The following KCNH2 variants were observed in gnomAD, a reference collection of about 807,000 sequenced individuals.
KCNH2 encodes potassium voltage-gated channel subfamily H member 2, also known as voltage-gated inwardly rectifying potassium channel KCNH2.
A neutral mutation model predicts 95.9 loss-of-function variants in KCNH2; 35 were observed. That is an observed-to-expected ratio of 0.37 (90% CI 0.28 to 0.48). KCNH2 has a LOEUF of 0.48. KCNH2 is among the 20% of genes least tolerant of loss of function. KCNH2 has a pLI of 0.99. For synonymous variants in KCNH2, 786 were observed against 754.7 expected, an observed-to-expected ratio of 1.04 and a Z score of -0.68; for missense variants, 1,274 against 1,702.9, an observed-to-expected ratio of 0.75 and a Z score of 4.43.
Position 150,947,353 on chromosome 7 carries a change from C to A in KCNH2, c.3127G>T (p.Asp1043Tyr). 6.5e-7 allele frequency: 1 copy of A among 1,545,184 alleles called. No homozygotes were observed. Among genetic ancestry groups the A allele is most frequent in the Non-Finnish European group, 8.7e-7 (1 of 1,146,926 alleles). The stretch of plus-strand genomic sequence containing the variant: ...CTGTTGAGCTGGCGCTGGAGGGCAT[C>A]CAGCCTGCTCTCCACGTCGCCCCGG... The part of the protein sequence containing the change: ...RPRGDVESRL[D>Y]ALQRQLNRLE... The change falls in exon 13 of 15, where the codon GAT becomes TAT. Residue 1043 changes from aspartate (D) to tyrosine (Y), a missense_variant. Transcript: ENST00000262186.
chr7:150,967,904 T>C (rs1231091610), intron 2 of KCNH2, among the ~76,000 whole-genome samples: 1 of 152,226 alleles, frequency 6.6e-6, no homozygotes, highest in Non-Finnish European at 1.5e-5. Context: ...TTGGTATCTC[T>C]AGAGTACACA....
chr7:150,973,684 AC>A (rs1801896115), intron 2 of KCNH2, among the ~76,000 whole-genome samples: 2 of 152,056 alleles, frequency 1.3e-5, no homozygotes, highest in African/African-American at 4.8e-5. Context: ...TTGCAGGGCC[AC>A]CCCAGCCAAC....
chr7:150,967,697 A>C (rs1801741787), intron 2 of KCNH2, among the ~76,000 whole-genome samples: 1 of 152,236 alleles, frequency 6.6e-6, no homozygotes, highest in South Asian at 2.1e-4. Flanking sequence ...ACAGAAGAAA[A>C]TGGAGACCCT....
rs866768546 is a variant in KCNH2, at chr7:150,947,790, C to T, written c.2781G>A (p.Trp927Ter). 6.5e-7 allele frequency: 1 copy of T among 1,534,312 alleles called. No individual in the cohort carries two copies. Among genetic ancestry groups the T allele is most frequent in the Admixed American group, 2.0e-5 (1 of 50,778 alleles). The change falls in exon 12 of 15, where the codon TGG becomes TGA. Residue 927 changes from tryptophan to a stop codon, truncating the protein, a stop_gained. Coordinates refer to ENST00000262186, the MANE Select transcript of KCNH2 (RefSeq NM_000238.4). LOFTEE classifies it high-confidence loss of function. The part of the protein sequence containing the change: ...PSSRGRPGGP[W>*]GESPSSGPSS... ...AGGGGCCACTGGACGGGCTCTCCCC[C>T]CACGGCCCCCCCGGCCGGCCCCGGC...
rs794728408 is a variant in KCNH2 at position 150,974,882 on chromosome 7, C to T, written c.136G>A (p.Asp46Asn). Residue 46 changes from aspartate (D) to asparagine (N), a missense_variant, in exon 2 of 15, where the codon GAC (aspartate) becomes AAC (asparagine). Physicochemically the swap from Asp to Asn is conservative, Grantham distance 23. Coordinates refer to ENST00000262186, the MANE Select transcript of KCNH2 (RefSeq NM_000238.4). ...TAGCCGCACAGCTCGCAGAAGCCGTCGTTGCAGTAGATGACGGCGCAGTTC... is the reference window on the plus strand; with the variant it reads ...TAGCCGCACAGCTCGCAGAAGCCGTTGTTGCAGTAGATGACGGCGCAGTTC... ...VENCAVIYCN[D>N]GFCELCGYSR... is the part of the protein sequence containing the mutation. 1 of 1,612,002 alleles carries T rather than the reference C, an allele frequency of 6.2e-7. No homozygotes were observed. The highest frequency in any genetic ancestry group is 1.3e-5 in the African/African-American group (1 of 74,890).
chr7:150,950,088 T>C (rs1222836178), intron 9 of KCNH2, 80 bp downstream of exon 9: 1 of 1,612,964 alleles, frequency 6.2e-7, no homozygotes, highest in African/African-American at 1.3e-5. Context: ...ACAGCCCCAG[T>C]GACTGCATAT....
Position 150,955,469 on chromosome 7 carries a change from CCT to C in KCNH2, c.1128+1820_1128+1821del, listed in dbSNP as rs1064794494. 5.1e-6 allele frequency: 8 copies of C among 1,558,870 alleles called. No individual in the cohort carries two copies. The highest frequency in any genetic ancestry group is 1.4e-5 in the African/African-American group (1 of 73,388). On this transcript the variant is annotated intron_variant, in intron 5 of 14. Coordinates refer to ENST00000262186, the MANE Select transcript of KCNH2 (RefSeq NM_000238.4). Reference sequence around the variant, plus strand: ...TTTCTGGGCCCTGGGCCGCAGAGCCCCTGTCCTGCTCGCCTTCCCGGCTGGGG... The same window carrying C: ...TTTCTGGGCCCTGGGCCGCAGAGCCCGTCCTGCTCGCCTTCCCGGCTGGGG...
intron 4 of KCNH2, 39 bp downstream of exon 4, chr7:150,958,020 G>T: frequency 7.9e-7 from 1 of 1,266,946 alleles, no homozygotes. Context: ...AGCAGAAGAA[G>T]CGTGGGCTGG....
At chr7:150,971,964 G>C (rs1353416266) in intron 2 of KCNH2, among the ~76,000 whole-genome samples, 1 of 152,048 alleles carries the variant, frequency 6.6e-6, no homozygotes, top group African/African-American at 2.4e-5. Flanking sequence ...CCTCCCCAGG[G>C]CCTTGCGGGG....
At chr7:150,949,579 G>A in intron 9 of KCNH2, 1 of 1,057,226 alleles carries the variant, frequency 9.5e-7, no homozygotes, top group Non-Finnish European at 1.2e-6. Context: ...ACAGAGCTGA[G>A]AAACAAAGTC....
intron 5 of KCNH2, among the ~76,000 whole-genome samples, chr7:150,953,321 C>T (rs1246794217): frequency 2.0e-5 from 3 of 152,178 alleles, no homozygotes; most frequent in African/African-American, 7.2e-5. Flanking sequence ...GCAGTTCTTA[C>T]CAGCCCCTCT....
chr7:150,950,948 G>A lies in KCNH2; in HGVS notation c.2118C>T (p.Ser706=). Residue 706 remains serine (S), a synonymous_variant, in exon 8 of 15, where the codon TCC becomes TCT. Transcript: ENST00000262186. Reference sequence around the variant, plus strand: ...CGTTCATGTCGATGCCGTTGGTGTAGGACCAGGCGTGCTGGAAGTACTCCT... The same window carrying A: ...CGTTCATGTCGATGCCGTTGGTGTAAGACCAGGCGTGCTGGAAGTACTCCT... ...RLEEYFQHAW[S]YTNGIDMNAV... The A allele has an allele frequency of 6.2e-7, 1 of 1,614,252 alleles. No homozygotes were observed. Among genetic ancestry groups the A allele is most frequent in the African/African-American group, 1.3e-5 (1 of 75,078 alleles).
intron 9 of KCNH2, 104 bp from the exon 10 acceptor site, chr7:150,949,153 A>T: frequency 8.3e-7 from 1 of 1,206,566 alleles, no homozygotes; most frequent in Non-Finnish European, 1.2e-6. Flanking sequence ...ATGTCCCCTC[A>T]GCTGGGTCGC....
chr7:150,945,169 G>A lies in KCNH2; in HGVS notation c.*196C>T, dbSNP rs1483742471. The A allele has an allele frequency of 7.8e-6, 5 of 639,854 alleles. No individual in the cohort carries two copies. Among genetic ancestry groups the A allele is most frequent in the Admixed American group, 3.0e-5 (1 of 33,678 alleles). The allele number at this position is 639,854 out of a possible 1,614,324, so 39.6% of individuals were successfully genotyped here. A position where few individuals can be genotyped will look rare whatever the true frequency, so the allele number is the denominator to read the frequency against. ...GGGACCACAGGCCCCACCTACTGCC[G>A]GCCCTGCCCCTGCCCCTCTCACTGG... On this transcript the variant is annotated 3_prime_UTR_variant, in exon 15 of 15. Coordinates refer to ENST00000262186, the MANE Select transcript of KCNH2 (RefSeq NM_000238.4). This position sits in a 1 kb window ranked among gnomAD's most constrained non-coding sequence, Gnocchi z 5.6.
intron 9 of KCNH2, chr7:150,949,733 A>C: frequency 1.7e-6 from 2 of 1,185,910 alleles, no homozygotes; most frequent in South Asian, 1.6e-5. Flanking sequence ...CAGGCAGGGT[A>C]GAAAGGAAGT....
rs267601413 is a variant in KCNH2 at position 150,952,544 on chromosome 7, C to G, written c.1438G>C (p.Glu480Gln). ...CGGCCGGGGTGGCTGACCACCTCCT[C>G]GTTGGCATTGACGTAGGTGGTGCGG... is the stretch of plus-strand genomic sequence containing the variant. ...NFRTTYVNAN[E>Q]EVVSHPGRIA... is the part of the protein sequence containing the mutation. Residue 480 changes from glutamate (E) to glutamine (Q), a missense_variant, in exon 6 of 15, where the codon GAG (glutamate) becomes CAG (glutamine). By Grantham distance (29) the Glu-to-Gln change is conservative. Around this residue, in one of 7 missense-constraint regions of KCNH2, gnomAD observed 147 missense variants for 344.4 expected, o/e 0.43. Coordinates refer to ENST00000262186, the MANE Select transcript of KCNH2 (RefSeq NM_000238.4). The surrounding 1 kb of genome is among the most constrained non-coding windows in gnomAD (Gnocchi z 7.3). 4 of 1,614,202 alleles carry G rather than the reference C, an allele frequency of 2.5e-6. No individual in the cohort carries two copies. Among genetic ancestry groups the G allele is most frequent in the Non-Finnish European group, 3.4e-6 (4 of 1,180,034 alleles).
chr7:150,956,271 A>G (rs1801373379), intron 5 of KCNH2, among the ~76,000 whole-genome samples: 1 of 152,096 alleles, frequency 6.6e-6, no homozygotes, highest in Non-Finnish European at 1.5e-5. Flanking sequence ...GCCTGGGGTG[A>G]GGGGGAATGC....
At chr7:150,971,590 G>T (rs1041555844) in intron 2 of KCNH2, among the ~76,000 whole-genome samples, 1 of 152,058 alleles carries the variant, frequency 6.6e-6, no homozygotes, top group African/African-American at 2.4e-5. Context: ...CCGAGGGGTG[G>T]GGGACAATGG....
chr7:150,954,414 C>T (rs1801295850), intron 5 of KCNH2, among the ~76,000 whole-genome samples: 1 of 152,230 alleles, frequency 6.6e-6, no homozygotes, highest in South Asian at 2.1e-4. Context: ...AGCAGTGACC[C>T]TACCCCTGAG....
Sources: gnomAD v4.1 joint callset for allele counts (sites outside exome capture counted in the v4.1 genomes callset) on GRCh38, gnomAD v4.1.1 for gene constraint, gnomAD v4.1.1 regional missense constraint, Gnocchi (gnomAD v3.1) non-coding constraint, MANE v1.5 for transcripts, NCBI Gene and HGNC (gene_info 2026-07-23, HGNC 2026-07-21) for gene names.